Variants in NAV3 observed in about 807,000 individuals in gnomAD.
NAV3 encodes pore membrane and/or filament interacting like protein 1.
Under a neutral mutation model 244.7 loss-of-function variants are expected in NAV3, and 87 were observed. The observed-to-expected ratio is 0.36, with a 90% confidence interval of 0.30 to 0.42. NAV3 has a LOEUF of 0.42. Among genes scored for constraint, NAV3 ranks in the 20% least tolerant of loss-of-function variants. The probability of loss-of-function intolerance (pLI) is 1.00; values close to 1 mark genes in which losing one functional copy is unlikely to be tolerated. For missense variants in NAV3, 2,663 were observed against 2,893.3 expected, an observed-to-expected ratio of 0.92 and a Z score of 1.83; for synonymous variants, 1,126 against 1,042.2, an observed-to-expected ratio of 1.08 and a Z score of -1.55.
chr12:78,079,703 A>G (rs536550230), intron 12 of NAV3, among the ~76,000 whole-genome samples: 5 of 152,224 alleles, frequency 3.3e-5, no homozygotes, highest in Non-Finnish European at 5.9e-5. Context: ...TTATTTAGAG[A>G]ATGGCTGGAT....
chr12:77,635,135 G>C (rs1161663411), intron 2 of NAV3, among the ~76,000 whole-genome samples: 3 of 152,114 alleles, frequency 2.0e-5, no homozygotes, highest in Non-Finnish European at 4.4e-5. Flanking sequence ...GGCTAAGGCA[G>C]GAGAATTGCT....
intron 12 of NAV3, among the ~76,000 whole-genome samples, chr12:78,095,062 T>C (rs1254294068): frequency 2.7e-5 from 3 of 111,744 alleles, no homozygotes; most frequent in African/African-American, 8.6e-5. Flanking sequence ...TATATATATA[T>C]ATACACACAC....
chr12:78,096,784 C>A (rs1954275736), intron 12 of NAV3, among the ~76,000 whole-genome samples: 1 of 152,272 alleles, frequency 6.6e-6, no homozygotes, highest in African/African-American at 2.4e-5. Flanking sequence ...TACCGCCAAA[C>A]CATATGAAGT....
At chr12:78,061,317 A>T (rs1240698567) in intron 12 of NAV3, among the ~76,000 whole-genome samples, 1 of 152,160 alleles carries the variant, frequency 6.6e-6, no homozygotes, top group Admixed American at 6.6e-5. Flanking sequence ...CATAGTTCTT[A>T]TTTACCCTAT....
intron 2 of NAV3, among the ~76,000 whole-genome samples, chr12:77,606,727 C>A: frequency 6.6e-6 from 1 of 152,118 alleles, no homozygotes. Context: ...ATCATATTTT[C>A]TACAGTGCAT....
intron 12 of NAV3, among the ~76,000 whole-genome samples, chr12:78,086,249 CT>C (rs1953632081): frequency 6.6e-6 from 1 of 151,924 alleles, no homozygotes; most frequent in Non-Finnish European, 1.5e-5. Flanking sequence ...CTAAATCTGC[CT>C]TTGTTTACAT....
At chr12:77,610,385 T>A (rs1394108447) in intron 2 of NAV3, among the ~76,000 whole-genome samples, 1 of 152,100 alleles carries the variant, frequency 6.6e-6, no homozygotes. Context: ...TGTGGATAAG[T>A]GCCTTTGGTA....
intron 12 of NAV3, among the ~76,000 whole-genome samples, chr12:78,104,877 C>A (rs73354813): frequency 6.6e-6 from 1 of 151,988 alleles, no homozygotes; most frequent in Non-Finnish European, 1.5e-5. Flanking sequence ...TAACTTAATG[C>A]GCTTGAAATT....
At chr12:77,907,814 T>C (rs1886150735) in intron 1 of NAV3, among the ~76,000 whole-genome samples, 1 of 152,204 alleles carries the variant, frequency 6.6e-6, no homozygotes, top group Admixed American at 6.6e-5. Flanking sequence ...TCCACACATA[T>C]GTGATACTGA....
intron 1 of NAV3, among the ~76,000 whole-genome samples, chr12:77,856,321 A>G (rs1409110790): frequency 6.6e-6 from 1 of 152,186 alleles, no homozygotes; most frequent in African/African-American, 2.4e-5. Flanking sequence ...ATGCTTTATG[A>G]AATGATAATG....
chr12:77,673,931 A>G (rs560040909), intron 2 of NAV3, among the ~76,000 whole-genome samples: 55 of 152,230 alleles, frequency 3.6e-4, no homozygotes, highest in African/African-American at 1.2e-3. Context: ...TAGCCTTCAG[A>G]GTCTTAATAC....
intron 2 of NAV3, among the ~76,000 whole-genome samples, chr12:77,797,358 T>C (rs1357243491): frequency 6.6e-6 from 1 of 152,012 alleles, no homozygotes; most frequent in Non-Finnish European, 1.5e-5. Context: ...TGGTTTTATA[T>C]AAAACAGCCC....
At chr12:77,814,813 A>C (rs1015649539) in intron 2 of NAV3, among the ~76,000 whole-genome samples, 1 of 152,238 alleles carries the variant, frequency 6.6e-6, no homozygotes, top group African/African-American at 2.4e-5. Flanking sequence ...TAAGACACTA[A>C]TTAATACACT....
intron 2 of NAV3, among the ~76,000 whole-genome samples, chr12:77,712,747 T>C (rs1327942050): frequency 6.6e-6 from 1 of 152,244 alleles, no homozygotes; most frequent in Non-Finnish European, 1.5e-5. Flanking sequence ...CTCTCAGAGA[T>C]AGCAATCATT....
At chr12:77,891,715 T>G (rs1646099038) in intron 1 of NAV3, among the ~76,000 whole-genome samples, 1 of 152,204 alleles carries the variant, frequency 6.6e-6, no homozygotes, top group Non-Finnish European at 1.5e-5. Flanking sequence ...TTTAAGGACT[T>G]GTACATGACC....
intron 1 of NAV3, among the ~76,000 whole-genome samples, chr12:77,933,079 A>T (rs1181798932): frequency 6.6e-6 from 1 of 152,014 alleles, no homozygotes; most frequent in African/African-American, 2.4e-5. Context: ...ATTTAAACTA[A>T]TTTTCTCTTA....
At chr12:78,128,272 A>C (rs1226789196) in intron 17 of NAV3, among the ~76,000 whole-genome samples, 3 of 151,488 alleles carry the variant, frequency 2.0e-5, no homozygotes, top group Non-Finnish European at 4.4e-5. Context: ...TCCTTTAAAA[A>C]AAAAAAAAAA....
chr12:78,109,664 T>C (rs774526956), intron 12 of NAV3, among the ~76,000 whole-genome samples: 3 of 151,984 alleles, frequency 2.0e-5, no homozygotes, highest in Non-Finnish European at 2.9e-5. Context: ...ATAAACATGA[T>C]AAGCATCTTC....
chr12:77,908,078 G>A (rs1266386106), intron 1 of NAV3, among the ~76,000 whole-genome samples: 2 of 151,950 alleles, frequency 1.3e-5, no homozygotes, highest in Admixed American at 6.6e-5. Context: ...GGTTTACAGT[G>A]GTTTTTAGCA....
Sources: gnomAD v4.1 joint callset for allele counts (sites outside exome capture counted in the v4.1 genomes callset) on GRCh38, gnomAD v4.1.1 for gene constraint, MANE v1.5 for transcripts, NCBI Gene and HGNC (gene_info 2026-07-23, HGNC 2026-07-21) for gene names.